Variants in ARSD observed in about 807,000 individuals in gnomAD.
ARSD encodes testis tissue sperm-binding protein Li 39a.
Under a neutral mutation model 32.6 loss-of-function variants are expected in ARSD, and 21 were observed. The observed-to-expected ratio is 0.64, with a 90% CI of 0.46 to 0.93. ARSD has a LOEUF of 0.93. Ranked by LOEUF, ARSD falls within the 40% of genes least tolerant of loss-of-function variation. ARSD has a pLI of 0.00. For missense variants in ARSD, 454 were observed against 520.9 expected, an observed-to-expected ratio of 0.87 and a Z score of 1.25; for synonymous variants, 224 against 237.4, an observed-to-expected ratio of 0.94 and a Z score of 0.52.
intron 6 of ARSD, chrX:2,913,330 A>G (rs2088918355): frequency 7.8e-6 from 1 of 128,440 alleles, no homozygotes; most frequent in African/African-American, 3.2e-5. Context: ...TTCTTATCAG[A>G]GTTAAGGTCT....
chrX:2,929,224 C>T lies in ARSD; in HGVS notation c.44+8G>A. On this transcript the variant is annotated splice_region_variant and intron_variant, in intron 1 of 9. Transcript: ENST00000381154. ...TTAGTATGGGCCGCGTCCCGGGGTC[C>T]CAGGCACCTGGCGGCGGGCGCGGCG... is the stretch of plus-strand genomic sequence containing the variant. 9.6e-7 allele frequency: 1 copy of T among 1,040,616 alleles called. No individual in the cohort carries two copies. Among genetic ancestry groups the T allele is most frequent in the South Asian group, 2.8e-5 (1 of 36,272 alleles). The allele number at this position is 1,040,616 out of a possible 1,213,427, so 85.8% of individuals were successfully genotyped here.
intron 1 of ARSD, among the ~76,000 whole-genome samples, chrX:2,926,074 A>G (rs1272644798): frequency 8.9e-6 from 1 of 112,080 alleles, no homozygotes; most frequent in Non-Finnish European, 1.9e-5. Context: ...AAAATTACAA[A>G]GCTTTCCAGA....
chrX:2,927,110 G>A (rs969504409), intron 1 of ARSD, among the ~76,000 whole-genome samples: 3 of 110,771 alleles, frequency 2.7e-5, no homozygotes, highest in Non-Finnish European at 3.8e-5. Flanking sequence ...ACAGGACGGG[G>A]CGTGTCTTGG....
chrX:2,913,923 G>T, intron 6 of ARSD: 1 of 287,902 alleles, frequency 3.5e-6, no homozygotes, highest in Non-Finnish European at 4.9e-6. Flanking sequence ...TTAAAAGTGT[G>T]CGGCTCTTCC....
chrX:2,907,413 G>A lies in ARSD; in HGVS notation c.1640C>T (p.Ala547Val), dbSNP rs763597266. 87 of 1,210,571 alleles carry A rather than the reference G, an allele frequency of 7.2e-5. 1 individual carries two copies. Among genetic ancestry groups the A allele is most frequent in the Non-Finnish European group, 7.0e-5 (63 of 895,355 alleles). ...YHAVIARVGAAVSEHRQTLSP... is the reference protein window; with the variant it reads ...YHAVIARVGAVVSEHRQTLSP... The stretch of plus-strand genomic sequence containing the variant: ...CAGGGTCTGCCGATGCTCCGACACC[G>A]CGGCACCTACCCTTGCTATCACGGC... Residue 547 changes from alanine (A) to valine (V), a missense_variant, in exon 10 of 10, where the codon GCG becomes GTG. This residue lies in a region of ARSD where 179 missense variants were observed against 198.5 expected (regional missense o/e 0.90). Coordinates refer to ENST00000381154, the MANE Select transcript of ARSD (RefSeq NM_001669.4).
intron 4 of ARSD, among the ~76,000 whole-genome samples, chrX:2,919,116 C>CA (rs764574741): frequency 5.3e-4 from 56 of 106,301 alleles, no homozygotes; most frequent in Non-Finnish European, 8.9e-4. Context: ...CACTCCATCT[C>CA]AAAAAAATAA....
Position 2,906,826 on chromosome X carries a change from C to G in ARSD, c.*445G>C, listed in dbSNP as rs2088855048. 1 of 118,484 alleles carries G rather than the reference C, an allele frequency of 8.4e-6. No homozygotes were observed. The highest frequency in any genetic ancestry group is 1.8e-5 in the Non-Finnish European group (1 of 56,943). The allele number at this position is 118,484 out of a possible 1,213,427, so 9.8% of individuals were successfully genotyped here. ...TTTCACAAATCAGGAAAGGGAAACC[C>G]TACATGGGCGCAGTGGCTCGTGCCT... is the stretch of plus-strand genomic sequence containing the variant. On this transcript the variant is annotated 3_prime_UTR_variant, in exon 10 of 10. Coordinates refer to ENST00000381154, the MANE Select transcript of ARSD (RefSeq NM_001669.4).
chrX:2,909,904 G>A lies in ARSD; in HGVS notation c.1211C>T (p.Ala404Val). ...CGTGGGCTCTCCAATCACTCGGCCG[G>A]CCGGGAGCACCCCCGGCCAGTGGAA... is the stretch of plus-strand genomic sequence containing the variant. The part of the protein sequence containing the change: ...GIFHWPGVLP[A>V]GRVIGEPTSL... The change falls in exon 8 of 10, where the codon GCC becomes GTC. Residue 404 changes from alanine to valine, a missense_variant. Coordinates refer to ENST00000381154, the MANE Select transcript of ARSD (RefSeq NM_001669.4). 3 of 1,210,848 alleles carry A rather than the reference G, an allele frequency of 2.5e-6. No homozygotes were observed. Among genetic ancestry groups the A allele is most frequent in the Non-Finnish European group, 3.4e-6 (3 of 895,288 alleles).
chrX:2,904,518 CTCT>C lies in ARSD; in HGVS notation c.*2750_*2752del, dbSNP rs1280575593. ...AGTCAACTGAAGCTGGTTCATGGCT[CTCT>C]TCTTCAGGTGGAGACTAACCAACTC... is the stretch of plus-strand genomic sequence containing the variant. On this transcript the variant is annotated 3_prime_UTR_variant, in exon 10 of 10. Transcript: ENST00000381154. The C allele has an allele frequency of 1.8e-5, 2 of 112,317 alleles. No homozygotes were observed. Among genetic ancestry groups the C allele is most frequent in the Non-Finnish European group, 3.7e-5 (2 of 53,770 alleles). The allele number at this position is 112,317 out of a possible 1,213,427, so 9.3% of individuals were successfully genotyped here.
At chrX:2,914,338 T>C (rs745736115) in intron 6 of ARSD, 1 of 509,157 alleles carries the variant, frequency 2.0e-6, no homozygotes, top group East Asian at 1.5e-4. Flanking sequence ...GCTCAAATGA[T>C]CTTCCCACCT....
At position 2,909,903 on chromosome X, in the gene ARSD, G is replaced by C; in HGVS notation, c.1212C>G (p.Ala404=). Residue 404 remains alanine, a synonymous_variant, in exon 8 of 10, where the codon GCC becomes GCG. Coordinates refer to ENST00000381154, the MANE Select transcript of ARSD (RefSeq NM_001669.4). The part of the protein sequence containing the change: ...GIFHWPGVLP[A]GRVIGEPTSL... The stretch of plus-strand genomic sequence containing the variant: ...TCGTGGGCTCTCCAATCACTCGGCC[G>C]GCCGGGAGCACCCCCGGCCAGTGGA... The C allele has an allele frequency of 8.3e-7, 1 of 1,210,675 alleles. No individual in the cohort carries two copies.
intron 9 of ARSD, chrX:2,908,000 CATG>C: frequency 1.3e-6 from 1 of 786,431 alleles, no homozygotes. Flanking sequence ...CAGAAACAAC[CATG>C]ATATTTTAAA....
At chrX:2,908,948 G>A in intron 8 of ARSD, 106 bp from the exon 9 acceptor site, 3 of 1,080,646 alleles carry the variant, frequency 2.8e-6, no homozygotes, top group East Asian at 6.2e-5. Flanking sequence ...CCAGCAAATG[G>A]AGCAGAGATG....
At chrX:2,915,865 C>T (rs955193984) in intron 5 of ARSD, among the ~76,000 whole-genome samples, 173 bp from the exon 6 acceptor site, 6 of 111,391 alleles carry the variant, frequency 5.4e-5, no homozygotes, top group Admixed American at 9.6e-5. Flanking sequence ...GGCGTGGTGG[C>T]TCATGCTTGT....
In ARSD at chrX:2,905,816, G is replaced by T. The variant is rs2088848280; in HGVS notation, c.*1455C>A. ...AGGGCAGCCAGGTGCCCACCTAAAA[G>T]ACTGCACTTCTCAACTTCCAGTTGT... On this transcript the variant is annotated 3_prime_UTR_variant, in exon 10 of 10. Coordinates refer to ENST00000381154, the MANE Select transcript of ARSD (RefSeq NM_001669.4). The T allele has an allele frequency of 8.9e-6, 1 of 112,979 alleles. No homozygotes were observed. Among genetic ancestry groups the T allele is most frequent in the Non-Finnish European group, 1.9e-5 (1 of 53,380 alleles). 9.3% of individuals were successfully genotyped at this position (112,979 alleles called of 1,213,427 possible).
intron 7 of ARSD, 95 bp from the exon 8 acceptor site, chrX:2,910,074 A>C (rs1288156709): frequency 5.9e-5 from 64 of 1,077,741 alleles, no homozygotes; most frequent in Admixed American, 2.7e-5. Flanking sequence ...GAATACGCAC[A>C]GCCACCCGGA....
chrX:2,925,849 C>T (rs918608155), intron 1 of ARSD, 84 bp from the exon 2 acceptor site: 3 of 978,438 alleles, frequency 3.1e-6, no homozygotes, highest in South Asian at 2.3e-5. Flanking sequence ...GCTGGGAAGG[C>T]GAAGGTCTTA....
chrX:2,911,669 C>CAAA (rs1289160928), intron 6 of ARSD, among the ~76,000 whole-genome samples: 1 of 28,665 alleles, frequency 3.5e-5, no homozygotes, highest in Non-Finnish European at 7.0e-5. Flanking sequence ...GACTCCATCT[C>CAAA]AAAAAAAAAA....
intron 5 of ARSD, among the ~76,000 whole-genome samples, chrX:2,917,437 C>T (rs2088972973): frequency 9.0e-6 from 1 of 110,664 alleles, no homozygotes; most frequent in African/African-American, 3.3e-5. Flanking sequence ...CTCTCAGATG[C>T]TCTGAGCAGT....
Sources: gnomAD v4.1 joint callset for allele counts (sites outside exome capture counted in the v4.1 genomes callset) on GRCh38, gnomAD v4.1.1 for gene constraint, gnomAD v4.1.1 regional missense constraint, MANE v1.5 for transcripts, NCBI Gene and HGNC (gene_info 2026-07-23, HGNC 2026-07-21) for gene names.